Variants in PABPC4L observed in about 807,000 individuals in gnomAD.
The protein encoded by PABPC4L is poly(A) binding protein cytoplasmic 4 like, also known as polyadenylate-binding protein 4-like.
For synonymous variants in PABPC4L, 169 were observed against 164.1 expected (o/e 1.03, Z -0.23); for missense variants, 452 against 451.4 (o/e 1.00, Z -0.01).
chr4:133,976,450 AT>A, the PABPC4L span, among the ~76,000 whole-genome samples: 2 of 152,220 alleles, frequency 1.3e-5, no homozygotes, highest in Middle Eastern at 3.4e-3. Context: ...GAATGACCAT[AT>A]TTATATTCCT....
chr4:134,004,330 G>A, the PABPC4L span, among the ~76,000 whole-genome samples: 1 of 151,822 alleles, frequency 6.6e-6, no homozygotes, highest in African/African-American at 2.4e-5. Context: ...CAAGGGCGAA[G>A]GACCTGAATA....
chr4:134,102,131 C>A, the PABPC4L span, among the ~76,000 whole-genome samples: 1 of 151,386 alleles, frequency 6.6e-6, no homozygotes, highest in Non-Finnish European at 1.5e-5. Flanking sequence ...ACTCTCCAGA[C>A]CTCTATACAT....
chr4:134,125,289 C>T, the PABPC4L span, among the ~76,000 whole-genome samples: 2 of 151,804 alleles, frequency 1.3e-5, no homozygotes, highest in African/African-American at 4.8e-5. Context: ...TACATATTTC[C>T]GTCAAATATC....
the PABPC4L span, among the ~76,000 whole-genome samples, chr4:134,165,116 C>A: frequency 1.3e-5 from 2 of 152,084 alleles, no homozygotes; most frequent in African/African-American, 4.8e-5. Context: ...CATCTCTCAC[C>A]ATATACAAAA....
chr4:133,962,541 C>A, the PABPC4L span, among the ~76,000 whole-genome samples: 1 of 152,124 alleles, frequency 6.6e-6, no homozygotes, highest in Non-Finnish European at 1.5e-5. Context: ...AAATTCAGAG[C>A]TTGAAGGCAA....
At chr4:134,192,028 G>A (rs1433664350), downstream of PABPC4L, among the ~76,000 whole-genome samples, 5 of 151,822 alleles carry the variant, frequency 3.3e-5, no homozygotes, top group Admixed American at 1.3e-4. Flanking sequence ...TAATATAACC[G>A]AGAGAACTGA....
chr4:134,132,404 G>A, the PABPC4L span, among the ~76,000 whole-genome samples: 1 of 151,676 alleles, frequency 6.6e-6, no homozygotes, highest in Non-Finnish European at 1.5e-5. Context: ...TGAGCTAAAG[G>A]CATGAATAGA....
At chr4:134,118,837 C>T in the PABPC4L span, among the ~76,000 whole-genome samples, 1 of 151,740 alleles carries the variant, frequency 6.6e-6, no homozygotes, top group Admixed American at 6.6e-5. Flanking sequence ...GTAGCTGTCT[C>T]TTGTGTGTTG....
At chr4:134,085,256 A>G in the PABPC4L span, among the ~76,000 whole-genome samples, 3 of 152,076 alleles carry the variant, frequency 2.0e-5, no homozygotes, top group South Asian at 2.1e-4. Context: ...ACTTTTATAA[A>G]TTTTATAAAC....
the PABPC4L span, among the ~76,000 whole-genome samples, chr4:134,173,159 C>CAAAAAAAAAA: frequency 2.6e-5 from 2 of 77,998 alleles, no homozygotes; most frequent in African/African-American, 4.6e-5. Context: ...GGAGATTCCT[C>CAAAAAAAAAA]AAAAAAAAAA....
At chr4:134,068,799 C>T in the PABPC4L span, among the ~76,000 whole-genome samples, 1 of 151,864 alleles carries the variant, frequency 6.6e-6, no homozygotes, top group South Asian at 2.1e-4. Context: ...ACCTCCACCT[C>T]CTGGGTTCAA....
chr4:134,138,203 T>A, the PABPC4L span, among the ~76,000 whole-genome samples: 4 of 151,956 alleles, frequency 2.6e-5, no homozygotes, highest in East Asian at 7.7e-4. Context: ...ACTTTCTGAC[T>A]TATTACCAAA....
chr4:134,065,804 A>G, the PABPC4L span, among the ~76,000 whole-genome samples: 1 of 152,204 alleles, frequency 6.6e-6, no homozygotes, highest in South Asian at 2.1e-4. Flanking sequence ...ATATGGTGTA[A>G]GGAAGGGATC....
the PABPC4L span, among the ~76,000 whole-genome samples, chr4:133,987,393 C>G: frequency 1.3e-5 from 2 of 152,068 alleles, no homozygotes; most frequent in East Asian, 3.9e-4. Context: ...TTTCTGGGAA[C>G]AATTATTCTC....
the PABPC4L span, among the ~76,000 whole-genome samples, chr4:134,004,951 C>A: frequency 1.3e-5 from 2 of 151,682 alleles, no homozygotes; most frequent in South Asian, 4.2e-4. Flanking sequence ...GTACTCAAGG[C>A]GGCAGTGAGA....
At chr4:134,180,524 C>A in the PABPC4L span, among the ~76,000 whole-genome samples, 1 of 151,466 alleles carries the variant, frequency 6.6e-6, no homozygotes, top group African/African-American at 2.4e-5. Flanking sequence ...CAAGAAATAA[C>A]CAAAGTTAGA....
At chr4:134,022,533 CTTT>C in the PABPC4L span, among the ~76,000 whole-genome samples, 1 of 151,946 alleles carries the variant, frequency 6.6e-6, no homozygotes, top group African/African-American at 2.4e-5. Flanking sequence ...CAAGACCCCT[CTTT>C]TATCAATAGA....
At chr4:133,962,327 G>A in the PABPC4L span, among the ~76,000 whole-genome samples, 5 of 152,174 alleles carry the variant, frequency 3.3e-5, no homozygotes, top group Admixed American at 2.6e-4. Flanking sequence ...TAGTTATTAA[G>A]CTAATCAGGG....
At chr4:134,162,985 A>G in the PABPC4L span, among the ~76,000 whole-genome samples, 2 of 152,094 alleles carry the variant, frequency 1.3e-5, no homozygotes, top group East Asian at 3.9e-4. Context: ...CCATATTCAA[A>G]GCCAGCAGAA....
Sources: allele counts gnomAD v4.1 joint callset (sites outside exome capture counted in the v4.1 genomes callset), GRCh38; gene constraint gnomAD v4.1.1; transcripts MANE v1.5; gene names NCBI Gene and HGNC (gene_info 2026-07-23, HGNC 2026-07-21).